Variants in FAM184B observed in about 807,000 individuals in gnomAD.
FAM184B encodes the protein protein FAM184B.
Under a neutral mutation model 135.9 loss-of-function variants are expected in FAM184B, and 111 were observed. The observed-to-expected ratio is 0.82, with a 90% CI of 0.70 to 0.96. The LOEUF is 0.96. Ranked by LOEUF, FAM184B falls within the 40% of genes least tolerant of loss-of-function variation. FAM184B has a pLI of 0.00. For missense variants in FAM184B, 1,375 were observed against 1,323.9 expected (o/e 1.04, Z -0.60); for synonymous variants, 552 against 524.8 (o/e 1.05, Z -0.71).
chr4:17,688,590 G>C, intron 6 of FAM184B, 59 bp from the exon 7 acceptor site: 1 of 1,205,916 alleles, frequency 8.3e-7, no homozygotes, highest in Non-Finnish European at 1.1e-6. Context: ...CCTCGATACA[G>C]TCATTCATCC....
intron 1 of FAM184B, among the ~76,000 whole-genome samples, chr4:17,715,320 A>T (rs1022591195): frequency 6.6e-5 from 10 of 152,026 alleles, no homozygotes; most frequent in South Asian, 4.2e-4. Flanking sequence ...ATTAAAAATT[A>T]AAAAATTAGC....
intron 1 of FAM184B, among the ~76,000 whole-genome samples, chr4:17,724,303 C>G (rs1300144856): frequency 2.6e-5 from 4 of 152,132 alleles, no homozygotes; most frequent in African/African-American, 9.7e-5. Context: ...ATGCACATGG[C>G]ACTTCATTTA....
chr4:17,770,361 G>A (rs1380927209), intron 1 of FAM184B, among the ~76,000 whole-genome samples: 10 of 152,334 alleles, frequency 6.6e-5, no homozygotes, highest in East Asian at 3.9e-4. Context: ...CTATGGTGGA[G>A]GTGGAAATGG....
At chr4:17,647,022 A>G (rs1715485833) in intron 12 of FAM184B, among the ~76,000 whole-genome samples, 1 of 152,194 alleles carries the variant, frequency 6.6e-6, no homozygotes, top group Non-Finnish European at 1.5e-5. Context: ...TGTTCTGCAG[A>G]TCCAGAGGAG....
chr4:17,745,268 T>C (rs1364821802), intron 1 of FAM184B, among the ~76,000 whole-genome samples: 1 of 152,178 alleles, frequency 6.6e-6, no homozygotes, highest in Admixed American at 6.5e-5. Context: ...GCGGTGGCCA[T>C]GGAGGTTGGC....
chr4:17,740,350 T>TC (rs1310777327), intron 1 of FAM184B, among the ~76,000 whole-genome samples: 1 of 8,062 alleles, frequency 1.2e-4, no homozygotes, highest in Non-Finnish European at 2.8e-4. Context: ...AGACCCTGTC[T>TC]CAAAAAAAAA....
chr4:17,663,910 A>T (rs1447036420), intron 8 of FAM184B, among the ~76,000 whole-genome samples: 8 of 150,968 alleles, frequency 5.3e-5, no homozygotes. Flanking sequence ...CCTTCTACAC[A>T]CTTTTCTCTC....
At chr4:17,748,780 G>A (rs191757393) in intron 1 of FAM184B, among the ~76,000 whole-genome samples, 108 of 152,062 alleles carry the variant, frequency 7.1e-4, no homozygotes, top group African/African-American at 2.4e-3. Flanking sequence ...GCCTCCCAAA[G>A]TGCTGGGATT....
At chr4:17,648,119 A>T (rs1715516382) in intron 11 of FAM184B, among the ~76,000 whole-genome samples, 1 of 151,896 alleles carries the variant, frequency 6.6e-6, no homozygotes, top group Non-Finnish European at 1.5e-5. Context: ...TGAGATGCAA[A>T]ATTTCAAGTG....
intron 5 of FAM184B, among the ~76,000 whole-genome samples, chr4:17,700,087 A>T (rs1716951000): frequency 6.6e-6 from 1 of 152,200 alleles, no homozygotes; most frequent in Non-Finnish European, 1.5e-5. Context: ...AGGTGGAGCT[A>T]GAAAATGGAA....
In FAM184B at chr4:17,709,447, C is replaced by T. The variant is rs1717199302; in HGVS notation, c.339G>A (p.Arg113=). The change falls in exon 2 of 18, where the codon AGG becomes AGA. Residue 113 remains arginine (R), a synonymous_variant. Transcript: ENST00000265018. ...ALESALELQK[R]LTEEALAESA... ...ACTCAGCCAGCGCCTCCTCCGTCAG[C>T]CTCTTTTGCAGCTCCAGGGCGCTCT... The T allele has an allele frequency of 6.6e-7, 1 of 1,525,390 alleles. No individual in the cohort carries two copies. The highest frequency in any genetic ancestry group is 1.4e-5 in the African/African-American group (1 of 72,364). 94.5% of individuals were successfully genotyped at this position (1,525,390 alleles called of 1,614,324 possible).
intron 1 of FAM184B, among the ~76,000 whole-genome samples, chr4:17,716,538 G>A (rs1717404342): frequency 6.6e-6 from 1 of 151,742 alleles, no homozygotes; most frequent in African/African-American, 2.4e-5. Flanking sequence ...TACAGACAGG[G>A]TCTCATTATG....
intron 1 of FAM184B, among the ~76,000 whole-genome samples, chr4:17,744,459 T>A (rs1400094260): frequency 1.5e-5 from 2 of 135,698 alleles, no homozygotes; most frequent in African/African-American, 5.8e-5. Flanking sequence ...TCTCTCTCTC[T>A]CTCACACACA....
chr4:17,637,853 C>T (rs1482492442), intron 14 of FAM184B, among the ~76,000 whole-genome samples: 1 of 152,116 alleles, frequency 6.6e-6, no homozygotes, highest in Middle Eastern at 3.2e-3. Flanking sequence ...AGAAGTGACC[C>T]TGTGAAAAGG....
chr4:17,645,939 A>G (rs1161222674), intron 12 of FAM184B, among the ~76,000 whole-genome samples: 1 of 152,210 alleles, frequency 6.6e-6, no homozygotes, highest in Non-Finnish European at 1.5e-5. Context: ...ACACTTCTCA[A>G]AAGAAGACAT....
intron 9 of FAM184B, among the ~76,000 whole-genome samples, chr4:17,658,772 G>A (rs1288465573): frequency 3.9e-5 from 6 of 152,204 alleles, no homozygotes; most frequent in Admixed American, 6.5e-5. Flanking sequence ...GAGGAAAAGA[G>A]GGGTGGGGAC....
chr4:17,636,306 A>G (rs1249622490), intron 15 of FAM184B, among the ~76,000 whole-genome samples: 1 of 152,154 alleles, frequency 6.6e-6, no homozygotes, highest in East Asian at 1.9e-4. Flanking sequence ...GGGTTTCAAC[A>G]TGGCTAGGCT....
chr4:17,738,846 G>A (rs1302465128), intron 1 of FAM184B, among the ~76,000 whole-genome samples: 2 of 151,990 alleles, frequency 1.3e-5, no homozygotes, highest in Non-Finnish European at 2.9e-5. Context: ...TAGTTTCTGT[G>A]ATGGGTCCTT....
intron 1 of FAM184B, among the ~76,000 whole-genome samples, chr4:17,779,267 T>C (rs1397661013): frequency 2.0e-5 from 3 of 152,130 alleles, no homozygotes; most frequent in African/African-American, 4.8e-5. Context: ...ATAAAACTCA[T>C]AGAAAGATTA....
Sources: allele counts gnomAD v4.1 joint callset (sites outside exome capture counted in the v4.1 genomes callset), GRCh38; gene constraint gnomAD v4.1.1; transcripts MANE v1.5; gene names NCBI Gene and HGNC (gene_info 2026-07-23, HGNC 2026-07-21).